The following MALRD1 variants were observed in gnomAD, a reference collection of about 807,000 sequenced individuals.
MALRD1 encodes the protein MAM and LDL receptor class A domain containing 1.
In MALRD1, 247 loss-of-function variants were observed where a neutral mutation model predicts 242.1. That is an observed-to-expected ratio of 1.02 (90% CI 0.92 to 1.13). MALRD1 has a LOEUF of 1.13. Among genes scored for constraint, MALRD1 ranks in the 50% most tolerant of loss-of-function variants. MALRD1 has a pLI of 0.00. For synonymous variants in MALRD1, 995 were observed against 866.6 expected (o/e 1.15, Z -2.60); for missense variants, 2,989 against 2,533.1 (o/e 1.18, Z -3.86).
chr10:19,104,730 T>G (rs564660984), intron 5 of MALRD1, among the ~76,000 whole-genome samples: 1 of 152,046 alleles, frequency 6.6e-6, no homozygotes, highest in Non-Finnish European at 1.5e-5. Context: ...TATAACAGAA[T>G]AAAGAAGGTA....
intron 18 of MALRD1, among the ~76,000 whole-genome samples, chr10:19,236,297 C>G (rs552153040): frequency 6.6e-6 from 1 of 152,136 alleles, no homozygotes; most frequent in Non-Finnish European, 1.5e-5. Flanking sequence ...ATGACACTTA[C>G]CTGGAATGGC....
intron 14 of MALRD1, among the ~76,000 whole-genome samples, chr10:19,193,985 C>T (rs1005286945): frequency 6.6e-6 from 1 of 151,826 alleles, no homozygotes. Context: ...GGGTCTTTTA[C>T]GAATCATACA....
chr10:19,096,267 C>T (rs572453507), intron 4 of MALRD1, among the ~76,000 whole-genome samples: 8 of 152,190 alleles, frequency 5.3e-5, no homozygotes, highest in African/African-American at 1.4e-4. Context: ...AATAAAAAAA[C>T]GTAAAACTCC....
chr10:19,223,727 T>C (rs1041103768), intron 18 of MALRD1, among the ~76,000 whole-genome samples: 10 of 152,086 alleles, frequency 6.6e-5, no homozygotes. Context: ...GGCCCCAGTG[T>C]GTGATGTTCC....
intron 39 of MALRD1, among the ~76,000 whole-genome samples, chr10:19,733,081 A>G (rs1835360668): frequency 2.0e-5 from 3 of 152,194 alleles, no homozygotes; most frequent in Admixed American, 1.3e-4. Context: ...CCCCATCATC[A>G]GAAAGATAGA....
At chr10:19,163,634 T>G (rs1180670457) in intron 12 of MALRD1, among the ~76,000 whole-genome samples, 1 of 152,114 alleles carries the variant, frequency 6.6e-6, no homozygotes, top group South Asian at 2.1e-4. Flanking sequence ...AATCTTCACA[T>G]GTACCCCTGA....
chr10:19,182,883 A>G (rs1835571513), intron 14 of MALRD1, among the ~76,000 whole-genome samples: 3 of 152,150 alleles, frequency 2.0e-5, no homozygotes. Flanking sequence ...AAAAAATAAT[A>G]CTTAATACTT....
At chr10:19,612,048 C>T (rs1485890807) in intron 35 of MALRD1, among the ~76,000 whole-genome samples, 1 of 151,310 alleles carries the variant, frequency 6.6e-6, no homozygotes, top group Non-Finnish European at 1.5e-5. Context: ...ATGGTCAGCA[C>T]TCCTGTACTG....
chr10:19,427,668 T>C (rs1833953428), intron 28 of MALRD1, among the ~76,000 whole-genome samples: 1 of 152,162 alleles, frequency 6.6e-6, no homozygotes, highest in African/African-American at 2.4e-5. Context: ...ATTTGTAAAA[T>C]GGATAAATAA....
At chr10:19,617,215 CT>C (rs1839196729) in intron 36 of MALRD1, among the ~76,000 whole-genome samples, 1 of 151,894 alleles carries the variant, frequency 6.6e-6, no homozygotes, top group African/African-American at 2.4e-5. Context: ...CTTAAATAAA[CT>C]TGAAAAATTA....
At chr10:19,731,125 G>C (rs1204394458) in intron 39 of MALRD1, among the ~76,000 whole-genome samples, 5 of 152,116 alleles carry the variant, frequency 3.3e-5, no homozygotes, top group Non-Finnish European at 7.3e-5. Context: ...ACTATTCATT[G>C]AATGTCTTTC....
chr10:19,088,588 T>TTTTTTTTTTTTTTTTTA (rs1835768695), intron 4 of MALRD1, among the ~76,000 whole-genome samples: 2 of 40,964 alleles, frequency 4.9e-5, no homozygotes, highest in African/African-American at 8.3e-5. Flanking sequence ...TTTATTTATT[T>TTTTTTTTTTTTTTTTTA]ATTTTTTTTT....
Position 19,069,477 on chromosome 10 carries a change from T to C in MALRD1, c.340+2618T>C, listed in dbSNP as rs191112161. Among the ~76,000 whole-genome samples, 531 of 152,164 alleles carry C rather than the reference T, an allele frequency of 3.5e-3. 2 individuals carry two copies. Among genetic ancestry groups the C allele is most frequent in the Non-Finnish European group, 4.2e-3 (284 of 67,948 alleles). Reference sequence around the variant, plus strand: ...GATATTCTTTTATCATATTTATTATTTGCAGCACTCTTTATTTCTTCTACC... The same window carrying C: ...GATATTCTTTTATCATATTTATTATCTGCAGCACTCTTTATTTCTTCTACC... On this transcript the variant is annotated intron_variant, in intron 2 of 39. Coordinates refer to ENST00000454679, the MANE Select transcript of MALRD1 (RefSeq NM_001142308.3).
chr10:19,643,394 C>T (rs112408375), intron 36 of MALRD1, among the ~76,000 whole-genome samples: 3,096 of 152,036 alleles, frequency 0.02, 79 homozygotes, highest in African/African-American at 0.064. Context: ...TTCAGTGAGC[C>T]GAGACTGTGC....
chr10:19,623,474 G>A (rs1839499547), intron 36 of MALRD1, among the ~76,000 whole-genome samples: 1 of 152,100 alleles, frequency 6.6e-6, no homozygotes, highest in South Asian at 2.1e-4. Context: ...AGTTATGGAG[G>A]CTGGGAAATC....
At chr10:19,405,114 T>C (rs1847033495) in intron 28 of MALRD1, among the ~76,000 whole-genome samples, 1 of 152,156 alleles carries the variant, frequency 6.6e-6, no homozygotes, top group South Asian at 2.1e-4. Context: ...AAGTGGTGTT[T>C]TGCATATATA....
chr10:19,055,793 A>T (rs1034171419), intron 1 of MALRD1, among the ~76,000 whole-genome samples: 2 of 152,202 alleles, frequency 1.3e-5, no homozygotes, highest in South Asian at 4.1e-4. Flanking sequence ...TGGGAGCTAA[A>T]CATGGAATAC....
intron 18 of MALRD1, among the ~76,000 whole-genome samples, chr10:19,222,530 G>A (rs948239019): frequency 6.6e-5 from 10 of 152,120 alleles, no homozygotes; most frequent in Admixed American, 3.3e-4. Context: ...GATCATAAGG[G>A]ATGAATTATT....
At chr10:19,512,146 A>G (rs1302549934) in intron 31 of MALRD1, among the ~76,000 whole-genome samples, 3 of 152,162 alleles carry the variant, frequency 2.0e-5, no homozygotes, top group African/African-American at 7.2e-5. Flanking sequence ...CACTTCCAAA[A>G]GAGCCATTCT....
Sources: allele counts gnomAD v4.1 joint callset (sites outside exome capture counted in the v4.1 genomes callset), GRCh38; gene constraint gnomAD v4.1.1; transcripts MANE v1.5; gene names NCBI Gene and HGNC (gene_info 2026-07-23, HGNC 2026-07-21).